Variants in SESN3 observed in about 807,000 individuals in gnomAD.
SESN3 encodes sestrin-3.
Under a neutral mutation model 55.3 loss-of-function variants are expected in SESN3, and 21 were observed. The observed-to-expected ratio is 0.38, with a 90% CI of 0.27 to 0.55. The LOEUF is 0.55. SESN3 is among the 20% of genes least tolerant of loss of function. The pLI is 0.76. For missense variants in SESN3, 408 were observed against 604.3 expected (o/e 0.68, Z 3.41); for synonymous variants, 181 against 203.1 (o/e 0.89, Z 0.93).
At chr11:95,188,877 T>C (rs1418915338) in intron 4 of SESN3, among the ~76,000 whole-genome samples, 1 of 151,898 alleles carries the variant, frequency 6.6e-6, no homozygotes. Context: ...TTAAAAACAA[T>C]GATTAATTCC....
At chr11:95,207,877 T>C (rs966878167) in intron 1 of SESN3, among the ~76,000 whole-genome samples, 1 of 151,424 alleles carries the variant, frequency 6.6e-6, no homozygotes, top group Non-Finnish European at 1.5e-5. Flanking sequence ...TTTCATCATG[T>C]TGCCCAGGCT....
At position 95,230,453 on chromosome 11, in the gene SESN3, T is replaced by TCCCTCCCG. The variant is rs1209026539; in HGVS notation, c.78+322_78+329dup. 1 of 300,618 alleles carries TCCCTCCCG rather than the reference T, an allele frequency of 3.3e-6. No individual in the cohort carries two copies. Among genetic ancestry groups the TCCCTCCCG allele is most frequent in the Non-Finnish European group, 6.2e-6 (1 of 160,464 alleles). 18.6% of individuals were successfully genotyped at this position (300,618 alleles called of 1,614,324 possible). Reference sequence around the variant, plus strand: ...TGCACAGGGAGGAGGATCGAACGGATCCCTCCCGCCCTCCGCCCAAGGAGC... The same window carrying TCCCTCCCG: ...TGCACAGGGAGGAGGATCGAACGGATCCCTCCCGCCCTCCCGCCCTCCGCCCAAGGAGC... On this transcript the variant is annotated intron_variant, in intron 1 of 9. Transcript: ENST00000536441. This position sits in a 1 kb window ranked among gnomAD's most constrained non-coding sequence, Gnocchi z 4.6.
intron 1 of SESN3, among the ~76,000 whole-genome samples, chr11:95,216,695 A>G (rs1247094701): frequency 2.6e-5 from 4 of 152,152 alleles, no homozygotes; most frequent in African/African-American, 9.7e-5. Context: ...AAAATCTAAT[A>G]ATTAGTAAAG....
chr11:95,228,198 TATTTC>T (rs1860983655), intron 1 of SESN3, among the ~76,000 whole-genome samples: 1 of 152,236 alleles, frequency 6.6e-6, no homozygotes, highest in Non-Finnish European at 1.5e-5. Context: ...TAAACCATAT[TATTTC>T]ATTTGAAGGT....
intron 1 of SESN3, among the ~76,000 whole-genome samples, chr11:95,214,431 C>T (rs757996937): frequency 6.6e-6 from 1 of 152,158 alleles, no homozygotes; most frequent in Non-Finnish European, 1.5e-5. Context: ...CTGCAACTAA[C>T]TGAAACAATC....
chr11:95,181,996 G>A (rs1338917558), intron 6 of SESN3, among the ~76,000 whole-genome samples: 2 of 151,996 alleles, frequency 1.3e-5, no homozygotes, highest in Non-Finnish European at 2.9e-5. Flanking sequence ...AGGGGTATAT[G>A]TATGTATACT....
At position 95,169,755 on chromosome 11, in the gene SESN3, C is replaced by T. The variant is rs757448969; in HGVS notation, c.*3500G>A. 3.3e-5 allele frequency: 5 copies of T among 151,622 alleles called. No individual in the cohort carries two copies. Among genetic ancestry groups the T allele is most frequent in the African/African-American group, 7.3e-5 (3 of 41,220 alleles). 9.4% of individuals were successfully genotyped at this position (151,622 alleles called of 1,614,324 possible). On this transcript the variant is annotated 3_prime_UTR_variant, in exon 10 of 10. Transcript: ENST00000536441. ...TTGATCATTTTATTTTGCTGTGGCA[C>T]AGAAATCTAAGATTTTGGATTTAAA... is the stretch of plus-strand genomic sequence containing the variant.
chr11:95,224,971 T>C (rs1012743849), intron 1 of SESN3, among the ~76,000 whole-genome samples: 1 of 152,200 alleles, frequency 6.6e-6, no homozygotes, highest in Non-Finnish European at 1.5e-5. Flanking sequence ...GGATGCACTT[T>C]ATACGCATTC....
intron 1 of SESN3, among the ~76,000 whole-genome samples, chr11:95,197,410 G>C (rs1860380533): frequency 6.6e-6 from 1 of 150,992 alleles, no homozygotes; most frequent in Non-Finnish European, 1.5e-5. Context: ...CCTCCTTCTG[G>C]GCAACTCTCT....
intron 5 of SESN3, among the ~76,000 whole-genome samples, chr11:95,184,839 A>T (rs1188781010): frequency 6.6e-6 from 1 of 152,066 alleles, no homozygotes; most frequent in Admixed American, 6.6e-5. Flanking sequence ...AAAATCTACA[A>T]TTCTAGCATT....
intron 8 of SESN3, among the ~76,000 whole-genome samples, chr11:95,176,563 G>A (rs1332885805): frequency 6.6e-6 from 1 of 152,170 alleles, no homozygotes; most frequent in East Asian, 1.9e-4. Context: ...AGAGTAAATG[G>A]GCACAGATGT....
chr11:95,188,847 A>G (rs191773140), intron 4 of SESN3, among the ~76,000 whole-genome samples: 1 of 152,010 alleles, frequency 6.6e-6, no homozygotes, highest in Non-Finnish European at 1.5e-5. Context: ...TATCTGGCAC[A>G]AAGTAATTAA....
chr11:95,176,550 AGCAGAGTAAATGG>A (rs1322295330), intron 8 of SESN3, among the ~76,000 whole-genome samples: 1 of 152,244 alleles, frequency 6.6e-6, no homozygotes, highest in Non-Finnish European at 1.5e-5. Flanking sequence ...CAGTAATGAC[AGCAGAGTAAATGG>A]GCACAGATGT....
intron 1 of SESN3, chr11:95,224,538 GA>G: frequency 2.5e-6 from 1 of 404,114 alleles, no homozygotes. Context: ...TTGGTCAATT[GA>G]AAAATATTGG....
chr11:95,221,809 C>T (rs1374014951), intron 1 of SESN3, among the ~76,000 whole-genome samples: 1 of 152,208 alleles, frequency 6.6e-6, no homozygotes, highest in Non-Finnish European at 1.5e-5. Flanking sequence ...ATTCATGTGT[C>T]CCTCAAGGGG....
chr11:95,196,898 T>G (rs1281846021), intron 1 of SESN3, among the ~76,000 whole-genome samples: 1 of 152,236 alleles, frequency 6.6e-6, no homozygotes, highest in Non-Finnish European at 1.5e-5. Flanking sequence ...GTTATTCATT[T>G]GATGGTCACA....
intron 1 of SESN3, among the ~76,000 whole-genome samples, chr11:95,206,547 T>A (rs1237433273): frequency 2.0e-5 from 3 of 152,182 alleles, no homozygotes; most frequent in Non-Finnish European, 2.9e-5. Context: ...AAAGTAATTA[T>A]CTTCTAATGA....
chr11:95,172,900 AAAG>A lies in SESN3; in HGVS notation c.*352_*354del, dbSNP rs918857162. ...GCACTTGTCCTTATTCTTAAAAAAA[AAAG>A]GGCGGGGTGGGGGGAGAAAAAATAC... On this transcript the variant is annotated 3_prime_UTR_variant, in exon 10 of 10. Transcript: ENST00000536441. The A allele has an allele frequency of 2.8e-4, 52 of 186,732 alleles. No homozygotes were observed. The highest frequency in any genetic ancestry group is 1.2e-3 in the African/African-American group (51 of 42,912). 11.6% of individuals were successfully genotyped at this position (186,732 alleles called of 1,614,324 possible). A position where few individuals can be genotyped will look rare whatever the true frequency, so the allele number is the denominator to read the frequency against.
At position 95,184,499 on chromosome 11, in the gene SESN3, C is replaced by A; in HGVS notation, c.858G>T (p.Met286Ile). 1 of 1,613,596 alleles carries A rather than the reference C, an allele frequency of 6.2e-7. No individual in the cohort carries two copies. The highest frequency in any genetic ancestry group is 8.5e-7 in the Non-Finnish European group (1 of 1,179,716). Residue 286 changes from methionine to isoleucine, a missense_variant, in exon 6 of 10, where the codon ATG (methionine) becomes ATT (isoleucine). Coordinates refer to ENST00000536441, the MANE Select transcript of SESN3 (RefSeq NM_144665.4). ...REDEEASQEEMSTRFEKEKKE... is the reference protein window; with the variant it reads ...REDEEASQEEISTRFEKEKKE... ...TCTTCTCCTTTTCAAAACGAGTGCT[C>A]ATTTCTTCTTGAGACGCCTCTTCAT...
Sources: allele counts gnomAD v4.1 joint callset (sites outside exome capture counted in the v4.1 genomes callset), GRCh38; gene constraint gnomAD v4.1.1; non-coding constraint Gnocchi (gnomAD v3.1); transcripts MANE v1.5; gene names NCBI Gene and HGNC (gene_info 2026-07-23, HGNC 2026-07-21).